The following CFAP20DC variants were observed in gnomAD, a reference collection of about 807,000 sequenced individuals.
The protein encoded by CFAP20DC is protein CFAP20DC.
Under a neutral mutation model 101.7 loss-of-function variants are expected in CFAP20DC, and 84 were observed. That is an observed-to-expected ratio of 0.83 (90% CI 0.69 to 0.99). The LOEUF (loss-of-function observed/expected upper bound fraction) is 0.99. CFAP20DC is among the 50% of genes least tolerant of loss of function. The pLI, the probability that CFAP20DC is intolerant of heterozygous loss-of-function variation, is 0.00. For missense variants in CFAP20DC, 1,007 were observed against 970.3 expected (o/e 1.04, Z -0.50); for synonymous variants, 359 against 351.2 (o/e 1.02, Z -0.25).
At chr3:58,969,379 AT>A (rs1368330031) in intron 4 of CFAP20DC, among the ~76,000 whole-genome samples, 1 of 152,198 alleles carries the variant, frequency 6.6e-6, no homozygotes. Context: ...AATCCTCATC[AT>A]TGCTGATGGG....
Position 59,007,694 on chromosome 3 carries a change from T to A in CFAP20DC, c.278+31863A>T, listed in dbSNP as rs1431894376. Among the ~76,000 whole-genome samples, 2 of 152,144 alleles carry A rather than the reference T, an allele frequency of 1.3e-5. No individual in the cohort carries two copies. Among genetic ancestry groups the A allele is most frequent in the Non-Finnish European group, 2.9e-5 (2 of 68,026 alleles). On this transcript the variant is annotated intron_variant, in intron 4 of 16. Transcript: ENST00000482387. The surrounding 1 kb of genome is among the most constrained non-coding windows in gnomAD (Gnocchi z 4.4). The stretch of plus-strand genomic sequence containing the variant: ...GACGACAGATCACATCACAGGACTC[T>A]TTGCAGACATTCCCCAGCAGCAGTC...
At chr3:59,042,456 A>G (rs947855104) in intron 3 of CFAP20DC, among the ~76,000 whole-genome samples, 1 of 152,040 alleles carries the variant, frequency 6.6e-6, no homozygotes, top group African/African-American at 2.4e-5. Context: ...TGCTGTAGGT[A>G]GAGGGTACAG....
intron 14 of CFAP20DC, among the ~76,000 whole-genome samples, chr3:58,807,565 G>A (rs1279701067): frequency 6.6e-6 from 1 of 152,182 alleles, no homozygotes; most frequent in Admixed American, 6.5e-5. Context: ...AACCCCATCT[G>A]TACATCACCA....
intron 3 of CFAP20DC, among the ~76,000 whole-genome samples, chr3:58,731,967 G>A (rs2107082817): frequency 6.6e-6 from 1 of 152,334 alleles, no homozygotes; most frequent in South Asian, 2.1e-4. Flanking sequence ...TCCTGAGCCT[G>A]TTTGTGCCTC....
At chr3:58,834,257 A>G (rs2076588872) in intron 13 of CFAP20DC, among the ~76,000 whole-genome samples, 1 of 152,212 alleles carries the variant, frequency 6.6e-6, no homozygotes, top group South Asian at 2.1e-4. Context: ...TGAGAATACC[A>G]GCTGCTTGAC....
At chr3:58,988,868 T>C (rs972233330) in intron 4 of CFAP20DC, among the ~76,000 whole-genome samples, 2 of 152,108 alleles carry the variant, frequency 1.3e-5, no homozygotes, top group Non-Finnish European at 2.9e-5. Context: ...GAAGAAAAAA[T>C]GATAATTTGC....
chr3:58,722,602 T>A lies in CFAP20DC; in HGVS notation c.198-4974A>T, dbSNP rs537070704. Among the ~76,000 whole-genome samples, 44 of 152,186 alleles carry A rather than the reference T, an allele frequency of 2.9e-4. No homozygotes were observed. In the South Asian group the frequency reaches 5.6e-3, roughly 19 times the overall value. ...CCCAGCTCTCCCCTTCGACGCAGGG[T>A]CAAGGCAAGACAGGGAATAAACAGG... On this transcript the variant is annotated intron_variant, in intron 3 of 3. Transcript: ENST00000486145. This position sits in a 1 kb window ranked among gnomAD's most constrained non-coding sequence, Gnocchi z 4.5.
rs754976098 is a variant in CFAP20DC at position 58,859,533 on chromosome 3, A to G, written c.1593+4025T>C. Among the ~76,000 whole-genome samples, 4 of 152,220 alleles carry G rather than the reference A, an allele frequency of 2.6e-5. No individual in the cohort carries two copies. The highest frequency in any genetic ancestry group is 7.2e-5 in the African/African-American group (3 of 41,464). Reference sequence around the variant, plus strand: ...ATTTTGTAACTTTCTTCATCTGCCTATAACAATACAAAGCCAAGTCACAAG... The same window carrying G: ...ATTTTGTAACTTTCTTCATCTGCCTGTAACAATACAAAGCCAAGTCACAAG... On this transcript the variant is annotated intron_variant, in intron 12 of 16. Coordinates refer to ENST00000482387, the MANE Select transcript of CFAP20DC (RefSeq NM_001394063.1). The surrounding 1 kb of genome is among the most constrained non-coding windows in gnomAD (Gnocchi z 4.1).
intron 5 of CFAP20DC, among the ~76,000 whole-genome samples, chr3:58,919,530 C>T (rs2085111576): frequency 6.6e-6 from 1 of 152,146 alleles, no homozygotes; most frequent in African/African-American, 2.4e-5. Context: ...CTGCTAATTT[C>T]TGCAAAAACA....
At chr3:58,999,271 C>T (rs199892323) in intron 4 of CFAP20DC, among the ~76,000 whole-genome samples, 3 of 152,066 alleles carry the variant, frequency 2.0e-5, no homozygotes, top group Non-Finnish European at 4.4e-5. Flanking sequence ...GGAGGCCAGG[C>T]AAGAAGCCAT....
chr3:59,031,695 C>T (rs1446741235), intron 4 of CFAP20DC, among the ~76,000 whole-genome samples: 1 of 151,972 alleles, frequency 6.6e-6, no homozygotes, highest in African/African-American at 2.4e-5. Flanking sequence ...TTTTATCACC[C>T]AAGAAGACAA....
chr3:58,796,427 C>T (rs1373703951), intron 15 of CFAP20DC, among the ~76,000 whole-genome samples: 1 of 152,150 alleles, frequency 6.6e-6, no homozygotes, highest in East Asian at 1.9e-4. Context: ...CTGGGGCAGG[C>T]AGGGTTCAAG....
chr3:58,939,998 C>A (rs2088301749), intron 4 of CFAP20DC, among the ~76,000 whole-genome samples: 1 of 152,074 alleles, frequency 6.6e-6, no homozygotes, highest in Non-Finnish European at 1.5e-5. Flanking sequence ...AACTACTGAC[C>A]TCAGGTGATC....
intron 15 of CFAP20DC, among the ~76,000 whole-genome samples, chr3:58,765,992 A>T (rs911540202): frequency 2.6e-5 from 4 of 152,188 alleles, no homozygotes; most frequent in African/African-American, 4.8e-5. Flanking sequence ...AGGAGGTCAG[A>T]GATAGTCTAA....
intron 15 of CFAP20DC, among the ~76,000 whole-genome samples, chr3:58,797,189 T>A (rs1273373755): frequency 6.6e-6 from 1 of 152,180 alleles, no homozygotes; most frequent in Non-Finnish European, 1.5e-5. Flanking sequence ...GAGGAAAGCA[T>A]GCCTAAAGCC....
intron 6 of CFAP20DC, among the ~76,000 whole-genome samples, chr3:58,907,707 C>T (rs2083743395): frequency 6.6e-6 from 1 of 152,194 alleles, no homozygotes; most frequent in Non-Finnish European, 1.5e-5. Context: ...ACTTGGTTTA[C>T]ACACTTTGTG....
Position 58,729,668 on chromosome 3 carries a change from A to G in CFAP20DC, c.198-12040T>C, listed in dbSNP as rs938408879. ...GGCTTTATTTGTATTTATTTGTATA[A>G]GCTTTTTAGTTGTTCCCAATGCAAG... is the stretch of plus-strand genomic sequence containing the variant. On this transcript the variant is annotated intron_variant, in intron 3 of 3. Transcript: ENST00000486145. This position sits in a 1 kb window ranked among gnomAD's most constrained non-coding sequence, Gnocchi z 4.4. Among the ~76,000 whole-genome samples, 1 of 152,092 alleles carries G rather than the reference A, an allele frequency of 6.6e-6. No homozygotes were observed. The highest frequency in any genetic ancestry group is 1.5e-5 in the Non-Finnish European group (1 of 68,014).
intron 4 of CFAP20DC, among the ~76,000 whole-genome samples, chr3:59,020,292 A>G (rs1217090832): frequency 1.3e-5 from 2 of 152,004 alleles, no homozygotes; most frequent in African/African-American, 4.8e-5. Flanking sequence ...CTGATCCCAA[A>G]GAGTTGAGAA....
In CFAP20DC at chr3:58,861,418, T is replaced by G. The variant is rs908837584; in HGVS notation, c.1593+2140A>C. The G allele has an allele frequency of 3.6e-6, 3 of 839,690 alleles. No homozygotes were observed. Among genetic ancestry groups the G allele is most frequent in the Non-Finnish European group, 4.3e-6 (3 of 697,284 alleles). The allele number at this position is 839,690 out of a possible 1,614,324, so 52.0% of individuals were successfully genotyped here. ...AGGATGCCTTAATTAACTAAACTGA[T>G]TTTTCTTCAAAGACTATATGTAAAT... On this transcript the variant is annotated intron_variant, in intron 12 of 16. Coordinates refer to ENST00000482387, the MANE Select transcript of CFAP20DC (RefSeq NM_001394063.1). The surrounding 1 kb of genome is among the most constrained non-coding windows in gnomAD (Gnocchi z 4.0).
Sources: allele counts gnomAD v4.1 joint callset (sites outside exome capture counted in the v4.1 genomes callset), GRCh38; gene constraint gnomAD v4.1.1; non-coding constraint Gnocchi (gnomAD v3.1); transcripts MANE v1.5; gene names NCBI Gene and HGNC (gene_info 2026-07-23, HGNC 2026-07-21).